SLC35F1: variants seen among roughly 807,000 people sequenced by gnomAD.
The protein encoded by SLC35F1 is chromosome 6 open reading frame 169.
Under a neutral mutation model 48.7 loss-of-function variants are expected in SLC35F1, and 14 were observed. That is an observed-to-expected ratio of 0.29 (90% CI 0.19 to 0.45). The LOEUF is 0.45. Among genes scored for constraint, SLC35F1 ranks in the 20% least tolerant of loss-of-function variants. SLC35F1 has a pLI of 1.00. For missense variants in SLC35F1, 404 were observed against 500.0 expected (o/e 0.81, Z 1.83); for synonymous variants, 190 against 202.2 (o/e 0.94, Z 0.51).
At chr6:118,182,521 AAGGAAGGAAG>A (rs1241352905) in intron 2 of SLC35F1, among the ~76,000 whole-genome samples, 21 of 106,326 alleles carry the variant, frequency 2.0e-4, no homozygotes, top group African/African-American at 1.3e-3. Flanking sequence ...AGAGAGAGAG[AAGGAAGGAAG>A]GAAGGAAGGA....
At chr6:118,024,234 C>T (rs539904270) in intron 1 of SLC35F1, among the ~76,000 whole-genome samples, 1 of 152,212 alleles carries the variant, frequency 6.6e-6, no homozygotes, top group South Asian at 2.1e-4. Flanking sequence ...TACGGCATCC[C>T]AACATACTCT....
At chr6:118,008,805 A>G (rs1480029317) in intron 1 of SLC35F1, among the ~76,000 whole-genome samples, 2 of 152,176 alleles carry the variant, frequency 1.3e-5, no homozygotes, top group Non-Finnish European at 2.9e-5. Flanking sequence ...GGGAATAACA[A>G]TCTTTAATAT....
chr6:118,182,519 A>AAG (rs752942549), intron 2 of SLC35F1, among the ~76,000 whole-genome samples: 36 of 106,346 alleles, frequency 3.4e-4, no homozygotes, highest in Middle Eastern at 0.013. Context: ...AGAGAGAGAG[A>AAG]GAAGGAAGGA....
chr6:117,987,404 C>G (rs1582602115), intron 1 of SLC35F1, among the ~76,000 whole-genome samples: 1 of 150,520 alleles, frequency 6.6e-6, no homozygotes, highest in East Asian at 1.9e-4. Flanking sequence ...TCCTTCTCTC[C>G]TTCTCTTTCT....
At chr6:117,996,748 A>G (rs971964074) in intron 1 of SLC35F1, among the ~76,000 whole-genome samples, 2 of 152,206 alleles carry the variant, frequency 1.3e-5, no homozygotes, top group Non-Finnish European at 2.9e-5. Context: ...AAACTAACAA[A>G]CAGAAAGGAC....
chr6:118,311,527 C>T (rs952315972), intron 7 of SLC35F1, among the ~76,000 whole-genome samples: 6 of 152,232 alleles, frequency 3.9e-5, no homozygotes, highest in African/African-American at 9.6e-5. Context: ...CGATGGCCCA[C>T]GCCTGTAATC....
chr6:118,177,908 G>A (rs935638608), intron 2 of SLC35F1, among the ~76,000 whole-genome samples: 6 of 152,000 alleles, frequency 3.9e-5, no homozygotes. Flanking sequence ...GAAAGGCCTT[G>A]GCTAAGTGCT....
intron 1 of SLC35F1, among the ~76,000 whole-genome samples, chr6:117,989,440 G>C (rs1422828670): frequency 6.6e-6 from 1 of 152,160 alleles, no homozygotes; most frequent in African/African-American, 2.4e-5. Flanking sequence ...TGGGAGAAAA[G>C]ACCTCCTACT....
chr6:118,234,832 A>G (rs1393384482), intron 2 of SLC35F1, among the ~76,000 whole-genome samples: 1 of 152,196 alleles, frequency 6.6e-6, no homozygotes, highest in Non-Finnish European at 1.5e-5. Flanking sequence ...AAATATATGT[A>G]AAAATAAGAA....
At chr6:118,033,573 C>A (rs1772083413) in intron 1 of SLC35F1, among the ~76,000 whole-genome samples, 1 of 151,548 alleles carries the variant, frequency 6.6e-6, no homozygotes, top group Non-Finnish European at 1.5e-5. Flanking sequence ...AACAACAGGG[C>A]CACAATAATA....
At chr6:118,158,958 T>C (rs984938647) in intron 2 of SLC35F1, among the ~76,000 whole-genome samples, 3 of 151,948 alleles carry the variant, frequency 2.0e-5, no homozygotes, top group Non-Finnish European at 4.4e-5. Context: ...TGGTGGCTCA[T>C]GCCTGTAATC....
intron 1 of SLC35F1, among the ~76,000 whole-genome samples, chr6:118,080,275 C>A (rs555090155): frequency 6.6e-6 from 1 of 152,268 alleles, no homozygotes; most frequent in South Asian, 2.1e-4. Context: ...GTCAGCTTCT[C>A]TTTTTTTGCT....
chr6:117,925,013 A>G (rs1057324948), intron 1 of SLC35F1, among the ~76,000 whole-genome samples: 1 of 152,194 alleles, frequency 6.6e-6, no homozygotes, highest in African/African-American at 2.4e-5. Context: ...GAGTATTTAC[A>G]TGTGACATCT....
rs1401595508 is a variant in SLC35F1 at position 118,314,635 on chromosome 6, A to G, written c.*383A>G. 2.1e-5 allele frequency: 5 copies of G among 235,772 alleles called. No individual in the cohort carries two copies. The Admixed American group carries it at 2.4e-4, about 12-fold the overall frequency. 14.6% of individuals were successfully genotyped at this position (235,772 alleles called of 1,614,324 possible). On this transcript the variant is annotated 3_prime_UTR_variant, in exon 8 of 8. Coordinates refer to ENST00000360388, the MANE Select transcript of SLC35F1 (RefSeq NM_001029858.4). ...TGATGGAAACTATTGCCAGACCCAC[A>G]TGTAGTCAACATAAACCCCACTTTT...
chr6:118,225,593 T>C (rs527619576), intron 2 of SLC35F1, among the ~76,000 whole-genome samples: 1 of 152,210 alleles, frequency 6.6e-6, no homozygotes, highest in Non-Finnish European at 1.5e-5. Context: ...AAAGATTTTT[T>C]CGTGTAAGAC....
intron 1 of SLC35F1, among the ~76,000 whole-genome samples, chr6:118,000,351 A>G (rs1370010938): frequency 2.0e-5 from 3 of 151,388 alleles, no homozygotes; most frequent in African/African-American, 7.3e-5. Flanking sequence ...ACAAAACCAC[A>G]TGATTATCTC....
chr6:118,078,873 G>T (rs1772863358), intron 1 of SLC35F1, among the ~76,000 whole-genome samples: 1 of 152,124 alleles, frequency 6.6e-6, no homozygotes, highest in South Asian at 2.1e-4. Context: ...CAGCCTGCCT[G>T]AACACAGGGC....
At chr6:118,283,021 G>A (rs1222684387) in intron 6 of SLC35F1, among the ~76,000 whole-genome samples, 1 of 152,128 alleles carries the variant, frequency 6.6e-6, no homozygotes, top group Non-Finnish European at 1.5e-5. Context: ...ACTCCTCAAT[G>A]GCTTCCTCGT....
chr6:117,924,746 A>C (rs1776006651), intron 1 of SLC35F1, among the ~76,000 whole-genome samples: 1 of 152,054 alleles, frequency 6.6e-6, no homozygotes, highest in Admixed American at 6.6e-5. Context: ...ATGTGATAGA[A>C]ACTTGCTTTA....
Sources: allele counts gnomAD v4.1 joint callset (sites outside exome capture counted in the v4.1 genomes callset), GRCh38; gene constraint gnomAD v4.1.1; transcripts MANE v1.5; gene names NCBI Gene and HGNC (gene_info 2026-07-23, HGNC 2026-07-21).